NRXN1: variants seen among roughly 807,000 people sequenced by gnomAD.
NRXN1 encodes neurexin 1.
In NRXN1, 39 loss-of-function variants were observed where a neutral mutation model predicts 150.9. The ratio of observed to expected loss-of-function variants is 0.26; its 90% CI spans 0.20 to 0.34. NRXN1 has a LOEUF of 0.34. NRXN1 is among the 10% of genes least tolerant of loss of function. The pLI, the probability that NRXN1 is intolerant of heterozygous loss-of-function variation, is 1.00. For missense variants in NRXN1, 1,815 were observed against 1,949.9 expected (o/e 0.93, Z 1.30); for synonymous variants, 924 against 757.0 (o/e 1.22, Z -3.62).
chr2:50,609,800 C>A (rs1194551100), intron 8 of NRXN1, among the ~76,000 whole-genome samples: 1 of 152,058 alleles, frequency 6.6e-6, no homozygotes, highest in Non-Finnish European at 1.5e-5. Flanking sequence ...GATTAAATGA[C>A]CTATGTCAAC....
At chr2:50,019,302 T>C (rs1232955262) in intron 21 of NRXN1, 1 of 471,228 alleles carries the variant, frequency 2.1e-6, no homozygotes, top group Non-Finnish European at 4.4e-6. Flanking sequence ...GACAGGGATA[T>C]GTTTATTCTG....
At chr2:50,864,004 A>G (rs1366085786) in intron 5 of NRXN1, among the ~76,000 whole-genome samples, 1 of 151,962 alleles carries the variant, frequency 6.6e-6, no homozygotes, top group Non-Finnish European at 1.5e-5. Flanking sequence ...GGACACCTGG[A>G]TAAGTCTTAA....
chr2:50,030,977 C>A (rs1689090085), intron 21 of NRXN1, among the ~76,000 whole-genome samples: 2 of 151,980 alleles, frequency 1.3e-5, no homozygotes, highest in South Asian at 4.1e-4. Context: ...ATAGGTAAAT[C>A]TTTGCAAATG....
At chr2:50,319,720 C>A (rs2075872803) in intron 17 of NRXN1, among the ~76,000 whole-genome samples, 1 of 151,956 alleles carries the variant, frequency 6.6e-6, no homozygotes, top group African/African-American at 2.4e-5. Flanking sequence ...CAGACAGTGG[C>A]ACCGTAGCAC....
intron 21 of NRXN1, among the ~76,000 whole-genome samples, chr2:50,047,785 A>G (rs1692063173): frequency 6.6e-6 from 1 of 151,960 alleles, no homozygotes; most frequent in Non-Finnish European, 1.5e-5. Flanking sequence ...ATCTTCTCCA[A>G]CTAGAACATA....
At chr2:50,041,537 G>C (rs1430398976) in intron 21 of NRXN1, among the ~76,000 whole-genome samples, 1 of 152,098 alleles carries the variant, frequency 6.6e-6, no homozygotes, top group Non-Finnish European at 1.5e-5. Flanking sequence ...CAAAAAATCA[G>C]ACAAACTGAA....
At chr2:50,621,869 A>C (rs1481774946) in intron 6 of NRXN1, among the ~76,000 whole-genome samples, 2 of 152,144 alleles carry the variant, frequency 1.3e-5, no homozygotes, top group African/African-American at 4.8e-5. Context: ...TTTGTGTTTA[A>C]TCTGTCCTGC....
intron 5 of NRXN1, among the ~76,000 whole-genome samples, chr2:50,691,086 T>C (rs772276070): frequency 2.0e-4 from 30 of 152,234 alleles, no homozygotes; most frequent in Non-Finnish European, 2.9e-5. Flanking sequence ...GATGGAGGCA[T>C]GACGTGAATC....
At chr2:51,012,119 G>C (rs1243477878) in intron 2 of NRXN1, among the ~76,000 whole-genome samples, 1 of 151,928 alleles carries the variant, frequency 6.6e-6, no homozygotes, top group Non-Finnish European at 1.5e-5. Context: ...ACCTGTAGTT[G>C]ACCAAAACGT....
At chr2:50,120,228 A>G (rs1703673911) in intron 18 of NRXN1, among the ~76,000 whole-genome samples, 1 of 152,096 alleles carries the variant, frequency 6.6e-6, no homozygotes, top group South Asian at 2.1e-4. Flanking sequence ...ATATAAAATT[A>G]AAATTTTAAA....
intron 18 of NRXN1, among the ~76,000 whole-genome samples, chr2:50,097,858 C>T (rs904627395): frequency 2.0e-5 from 3 of 151,992 alleles, no homozygotes; most frequent in Admixed American, 6.6e-5. Context: ...AGGCTGGTCT[C>T]GAAATCCTGA....
chr2:50,503,058 G>A (rs112861143), intron 13 of NRXN1, among the ~76,000 whole-genome samples: 4 of 152,064 alleles, frequency 2.6e-5, no homozygotes, highest in East Asian at 1.9e-4. Context: ...CTGTAATCCC[G>A]GTACTTTGGG....
chr2:50,009,942 TA>T (rs1278765020), intron 21 of NRXN1, among the ~76,000 whole-genome samples: 1 of 152,132 alleles, frequency 6.6e-6, no homozygotes, highest in Non-Finnish European at 1.5e-5. Context: ...CTCTGAGGCA[TA>T]ATCTAGGTTT....
chr2:50,852,476 C>G (rs1421181208), intron 5 of NRXN1, among the ~76,000 whole-genome samples: 1 of 151,936 alleles, frequency 6.6e-6, no homozygotes, highest in African/African-American at 2.4e-5. Flanking sequence ...TACTCAGACC[C>G]CAATGGAGGG....
At chr2:50,208,010 A>G (rs1201501269) in intron 18 of NRXN1, among the ~76,000 whole-genome samples, 6 of 151,962 alleles carry the variant, frequency 3.9e-5, no homozygotes, top group African/African-American at 1.4e-4. Context: ...AAAAAGGCAA[A>G]CCTTCCCTTC....
intron 18 of NRXN1, among the ~76,000 whole-genome samples, chr2:50,186,092 C>T (rs2061051974): frequency 6.6e-6 from 1 of 152,040 alleles, no homozygotes; most frequent in African/African-American, 2.4e-5. Flanking sequence ...TATATTGAAA[C>T]TATCTGCCAG....
intron 17 of NRXN1, among the ~76,000 whole-genome samples, chr2:50,248,987 C>CTTT (rs111366889): frequency 4.3e-4 from 58 of 134,418 alleles, no homozygotes; most frequent in African/African-American, 1.4e-3. Flanking sequence ...TCTTTACAAA[C>CTTT]TTTTTTTTTT....
At chr2:51,023,088 T>C (rs906701907) in intron 2 of NRXN1, among the ~76,000 whole-genome samples, 6 of 152,206 alleles carry the variant, frequency 3.9e-5, no homozygotes, top group Non-Finnish European at 8.8e-5. Flanking sequence ...CAAGAAAGAA[T>C]TGTATTTTTC....
At chr2:50,886,853 T>C (rs1193490312) in intron 5 of NRXN1, among the ~76,000 whole-genome samples, 5 of 151,388 alleles carry the variant, frequency 3.3e-5, no homozygotes, top group Non-Finnish European at 7.4e-5. Flanking sequence ...GTCTAGAATA[T>C]TCAAAGAAAT....
Sources: gnomAD v4.1 joint callset for allele counts (sites outside exome capture counted in the v4.1 genomes callset) on GRCh38, gnomAD v4.1.1 for gene constraint, MANE v1.5 for transcripts, NCBI Gene and HGNC (gene_info 2026-07-23, HGNC 2026-07-21) for gene names.